KPNA3: variants seen among roughly 807,000 people sequenced by gnomAD.
KPNA3 encodes the protein importin subunit alpha-4.
In KPNA3, 13 loss-of-function variants were observed where a neutral mutation model predicts 73.8. The observed-to-expected ratio is 0.18, with a 90% CI of 0.11 to 0.28. The LOEUF is 0.28. Among genes scored for constraint, KPNA3 ranks in the 10% least tolerant of loss-of-function variants. The pLI is 1.00. For missense variants in KPNA3, 360 were observed against 618.1 expected (o/e 0.58, Z 4.43); for synonymous variants, 186 against 206.9 (o/e 0.90, Z 0.87).
At chr13:49,704,434 A>C (rs1443082784) in intron 15 of KPNA3, among the ~76,000 whole-genome samples, 1 of 130,960 alleles carries the variant, frequency 7.6e-6, no homozygotes, top group South Asian at 2.7e-4. Context: ...AAATAAATAA[A>C]AAATAAATAA....
At chr13:49,760,227 T>A (rs1020884681) in intron 1 of KPNA3, among the ~76,000 whole-genome samples, 9 of 151,920 alleles carry the variant, frequency 5.9e-5, no homozygotes, top group Non-Finnish European at 1.0e-4. Context: ...CTGGGCAACA[T>A]GATGAAATCC....
chr13:49,757,882 T>C (rs1011346452), intron 1 of KPNA3, among the ~76,000 whole-genome samples: 1 of 152,146 alleles, frequency 6.6e-6, no homozygotes. Flanking sequence ...ACATAAATAC[T>C]GTACGAGCAT....
At chr13:49,706,598 T>C (rs1337681202) in intron 12 of KPNA3, among the ~76,000 whole-genome samples, 1 of 152,176 alleles carries the variant, frequency 6.6e-6, no homozygotes, top group East Asian at 1.9e-4. Flanking sequence ...CATTCATTAA[T>C]ATATAGGCCT....
In KPNA3 at chr13:49,723,868, TAAAAAAAAAAAAAAAAGA is replaced by T. The variant is rs1566339148; in HGVS notation, c.470-1323_470-1306del. Among the ~76,000 whole-genome samples the T allele has an allele frequency of 1.9e-3, 245 of 127,864 alleles. 1 individual carries two copies. Among genetic ancestry groups the T allele is most frequent in the African/African-American group, 6.7e-3 (226 of 33,650 alleles). The allele number at this position is 127,864 out of a possible 152,430, so 83.9% of individuals were successfully genotyped here. A position where few individuals can be genotyped will look rare whatever the true frequency, so the allele number is the denominator to read the frequency against. ...CTGGCGACAGAGCGAGACTCCGTCT[TAAAAAAAAAAAAAAAAGA>T]AAAGAAAAAAGAAAAAAGAAATCTC... On this transcript the variant is annotated intron_variant, in intron 7 of 16. Transcript: ENST00000261667.
chr13:49,727,576 T>C (rs1465307585), intron 6 of KPNA3, among the ~76,000 whole-genome samples: 2 of 151,484 alleles, frequency 1.3e-5, no homozygotes, highest in African/African-American at 4.8e-5. Context: ...ATGGAACATA[T>C]GAGAAAATGA....
At chr13:49,759,146 G>A (rs918313735) in intron 1 of KPNA3, among the ~76,000 whole-genome samples, 1 of 151,940 alleles carries the variant, frequency 6.6e-6, no homozygotes, top group Non-Finnish European at 1.5e-5. Flanking sequence ...TGTAAATCCA[G>A]GAAATGGAAA....
intron 1 of KPNA3, among the ~76,000 whole-genome samples, chr13:49,773,999 A>G (rs945664484): frequency 2.0e-5 from 3 of 151,778 alleles, no homozygotes; most frequent in African/African-American, 7.3e-5. Context: ...TCAACCTCCC[A>G]GGCTCAGGTG....
chr13:49,710,236 T>A (rs999496605), intron 11 of KPNA3, among the ~76,000 whole-genome samples: 2 of 152,174 alleles, frequency 1.3e-5, no homozygotes, highest in African/African-American at 4.8e-5. Flanking sequence ...TACTCCAGCT[T>A]GGGCGACAGA....
At chr13:49,724,598 C>A (rs1202710225) in intron 7 of KPNA3, among the ~76,000 whole-genome samples, 1 of 151,354 alleles carries the variant, frequency 6.6e-6, no homozygotes, top group Non-Finnish European at 1.5e-5. Flanking sequence ...TGAGCCACTG[C>A]ACCCAGCCTT....
At chr13:49,717,329 C>T (rs1954312848) in intron 10 of KPNA3, among the ~76,000 whole-genome samples, 1 of 151,054 alleles carries the variant, frequency 6.6e-6, no homozygotes, top group Non-Finnish European at 1.5e-5. Flanking sequence ...ACTGGAGAGG[C>T]TGAGGCAGGA....
intron 1 of KPNA3, among the ~76,000 whole-genome samples, chr13:49,781,353 C>T (rs546142929): frequency 1.1e-4 from 17 of 152,296 alleles, no homozygotes; most frequent in African/African-American, 3.6e-4. Flanking sequence ...AAATCTGGGA[C>T]TCAGTGCCAG....
At chr13:49,747,048 T>G (rs1021836633) in intron 1 of KPNA3, 55 bp from the exon 2 acceptor site, 3 of 1,322,812 alleles carry the variant, frequency 2.3e-6, no homozygotes, top group Admixed American at 3.5e-5. Context: ...ACTGCTAGTA[T>G]ATAAAGATCT....
chr13:49,782,077 C>A (rs561576875), intron 1 of KPNA3, among the ~76,000 whole-genome samples: 4 of 152,270 alleles, frequency 2.6e-5, no homozygotes, highest in Non-Finnish European at 5.9e-5. Context: ...GACAAATTAG[C>A]CTAATTTGTG....
intron 1 of KPNA3, among the ~76,000 whole-genome samples, chr13:49,785,856 G>T (rs1035471177): frequency 6.6e-6 from 1 of 152,136 alleles, no homozygotes; most frequent in Non-Finnish European, 1.5e-5. Context: ...ATGGATGGTC[G>T]TTAAGCACCT....
intron 10 of KPNA3, among the ~76,000 whole-genome samples, chr13:49,716,789 C>T (rs1260264011): frequency 6.6e-6 from 1 of 152,154 alleles, no homozygotes; most frequent in Non-Finnish European, 1.5e-5. Flanking sequence ...TCCCTTGCTG[C>T]CATTCCTGAA....
intron 6 of KPNA3, among the ~76,000 whole-genome samples, chr13:49,728,221 C>T (rs9568314): frequency 0.075 from 10,517 of 140,828 alleles, 439 homozygotes; most frequent in South Asian, 0.12. Flanking sequence ...GGCGACAGAG[C>T]GAGACTCTGT....
intron 2 of KPNA3, among the ~76,000 whole-genome samples, chr13:49,736,925 T>C (rs2137559454): frequency 6.6e-6 from 1 of 152,336 alleles, no homozygotes; most frequent in Non-Finnish European, 1.5e-5. Flanking sequence ...AATGGGATCG[T>C]ATGGTATATA....
At chr13:49,742,237 G>A (rs1394875883) in intron 2 of KPNA3, among the ~76,000 whole-genome samples, 1 of 152,098 alleles carries the variant, frequency 6.6e-6, no homozygotes, top group Non-Finnish European at 1.5e-5. Flanking sequence ...ATAAATTCTT[G>A]CGTGTCAGAG....
chr13:49,721,930 C>A, intron 9 of KPNA3, 25 bp downstream of exon 9: 1 of 1,461,332 alleles, frequency 6.8e-7, no homozygotes, highest in South Asian at 1.5e-5. Flanking sequence ...AATATACCAT[C>A]TGGCCTTTAC....
Sources: gnomAD v4.1 joint callset for allele counts (sites outside exome capture counted in the v4.1 genomes callset) on GRCh38, gnomAD v4.1.1 for gene constraint, MANE v1.5 for transcripts, NCBI Gene and HGNC (gene_info 2026-07-23, HGNC 2026-07-21) for gene names.